The following MLLT3 variants were observed in gnomAD, a reference collection of about 807,000 sequenced individuals.
MLLT3 encodes MLLT3 super elongation complex subunit.
MLLT3 carries 4 observed loss-of-function variants against 53.2 expected under a neutral mutation model. The ratio of observed to expected loss-of-function variants is 0.08; its 90% confidence interval spans 0.04 to 0.17. The LOEUF is 0.17. MLLT3 is among the 10% of genes least tolerant of loss of function. MLLT3 has a pLI of 1.00. For missense variants in MLLT3, 569 were observed against 684.0 expected, an observed-to-expected ratio of 0.83 and a Z score of 1.87; for synonymous variants, 283 against 230.6, an observed-to-expected ratio of 1.23 and a Z score of -2.06.
intron 5 of MLLT3, among the ~76,000 whole-genome samples, chr9:20,401,818 C>A (rs548251026): frequency 1.1e-3 from 174 of 152,262 alleles, no homozygotes; most frequent in African/African-American, 3.7e-3. Flanking sequence ...ATAAAATAAA[C>A]ATTCTGTTAG....
chr9:20,424,655 T>C (rs1311633565), intron 4 of MLLT3, among the ~76,000 whole-genome samples: 1 of 152,156 alleles, frequency 6.6e-6, no homozygotes, highest in Non-Finnish European at 1.5e-5. Flanking sequence ...TATATGGCTG[T>C]GCAAGAAAGA....
chr9:20,474,110 C>T (rs1011327066), intron 2 of MLLT3, among the ~76,000 whole-genome samples: 3 of 152,058 alleles, frequency 2.0e-5, no homozygotes, highest in African/African-American at 7.2e-5. Flanking sequence ...GTGTCTTTTT[C>T]GGTCTCTTGG....
chr9:20,374,319 G>A (rs1821695649), intron 5 of MLLT3, among the ~76,000 whole-genome samples: 1 of 152,200 alleles, frequency 6.6e-6, no homozygotes, highest in Admixed American at 6.5e-5. Flanking sequence ...AGGAGTTTGA[G>A]GCTGCAGTGA....
chr9:20,481,325 C>G (rs1824656432), intron 2 of MLLT3, among the ~76,000 whole-genome samples: 1 of 152,218 alleles, frequency 6.6e-6, no homozygotes, highest in Non-Finnish European at 1.5e-5. Context: ...ATCGCTGTCA[C>G]AGGAGCAAAC....
chr9:20,469,258 AC>A (rs1228299045), intron 2 of MLLT3, among the ~76,000 whole-genome samples: 1 of 152,152 alleles, frequency 6.6e-6, no homozygotes, highest in African/African-American at 2.4e-5. Flanking sequence ...AAATGAAACA[AC>A]AGAACATACC....
intron 2 of MLLT3, among the ~76,000 whole-genome samples, chr9:20,547,453 G>C (rs1356155053): frequency 6.6e-6 from 1 of 151,870 alleles, no homozygotes; most frequent in African/African-American, 2.4e-5. Context: ...CAACCAGCCC[G>C]GCCAACATGA....
intron 5 of MLLT3, among the ~76,000 whole-genome samples, chr9:20,385,746 C>T (rs185844878): frequency 1.8e-4 from 28 of 152,182 alleles, no homozygotes; most frequent in African/African-American, 6.5e-4. Context: ...GAGACACTAT[C>T]CTAGGATAAT....
At chr9:20,470,106 T>A (rs551125509) in intron 2 of MLLT3, among the ~76,000 whole-genome samples, 1 of 152,184 alleles carries the variant, frequency 6.6e-6, no homozygotes, top group South Asian at 2.1e-4. Flanking sequence ...TTGACTTGAA[T>A]GTCCAGTCAC....
At chr9:20,353,337 A>G (rs1463357673) in intron 10 of MLLT3, among the ~76,000 whole-genome samples, 188 bp downstream of exon 10, 1 of 152,228 alleles carries the variant, frequency 6.6e-6, no homozygotes, top group Non-Finnish European at 1.5e-5. Context: ...AACAGTTGCC[A>G]TAGAGCTCCA....
intron 2 of MLLT3, among the ~76,000 whole-genome samples, chr9:20,495,151 TTC>T (rs1825051351): frequency 6.6e-6 from 1 of 152,180 alleles, no homozygotes; most frequent in Non-Finnish European, 1.5e-5. Context: ...TAAATCATTT[TTC>T]TCTCTGTCCA....
In MLLT3 at chr9:20,357,981, G is replaced by GCACACACA. The variant is rs3222132; in HGVS notation, c.1431+2753_1431+2760dup. Among the ~76,000 whole-genome samples the GCACACACA allele has an allele frequency of 9.3e-3, 1,301 of 139,420 alleles. 26 individuals are homozygous for GCACACACA. Among genetic ancestry groups the GCACACACA allele is most frequent in the African/African-American group, 0.032 (1,159 of 36,556 alleles). The allele number at this position is 139,420 out of a possible 152,430, so 91.5% of individuals were successfully genotyped here. ...CCCTACTTTTCTCCCTCCCTCCTGC[G>GCACACACA]CACACACACACACACACACACACAC... is the stretch of plus-strand genomic sequence containing the variant. On this transcript the variant is annotated intron_variant, in intron 8 of 10. Transcript: ENST00000380338.
chr9:20,345,020 C>A lies in MLLT3; in HGVS notation c.*1423G>T. On this transcript the variant is annotated 3_prime_UTR_variant, in exon 11 of 11. Coordinates refer to ENST00000380338, the MANE Select transcript of MLLT3 (RefSeq NM_004529.4). ...TGAGCTGTTCTTACTTTTCATTTCT[C>A]CACTTATGGAGAAGATGGAATAATG... 4.6e-6 allele frequency: 1 copy of A among 216,408 alleles called. No individual in the cohort carries two copies. Among genetic ancestry groups the A allele is most frequent in the Non-Finnish European group, 9.3e-6 (1 of 107,390 alleles). The allele number at this position is 216,408 out of a possible 1,614,324, so 13.4% of individuals were successfully genotyped here.
At chr9:20,424,992 T>C (rs1358197716) in intron 4 of MLLT3, among the ~76,000 whole-genome samples, 2 of 152,100 alleles carry the variant, frequency 1.3e-5, no homozygotes, top group African/African-American at 4.8e-5. Context: ...CCACCACTAG[T>C]GCAGACAAGC....
intron 5 of MLLT3, among the ~76,000 whole-genome samples, chr9:20,381,692 C>A (rs1821912142): frequency 6.6e-6 from 1 of 151,280 alleles, no homozygotes; most frequent in Non-Finnish European, 1.5e-5. Context: ...TACCAAATAC[C>A]CTAGTGGTTA....
intron 2 of MLLT3, among the ~76,000 whole-genome samples, chr9:20,472,456 T>C (rs1174410390): frequency 6.6e-6 from 1 of 152,036 alleles, no homozygotes; most frequent in Non-Finnish European, 1.5e-5. Context: ...AAAAGGATCA[T>C]AGTTAGGCAT....
intron 5 of MLLT3, among the ~76,000 whole-genome samples, chr9:20,390,558 AT>A (rs1162744798): frequency 1.3e-5 from 2 of 152,222 alleles, no homozygotes; most frequent in Non-Finnish European, 2.9e-5. Flanking sequence ...CAACCCAGAT[AT>A]GATTCCTGAC....
chr9:20,447,396 AC>A (rs1823732004), intron 4 of MLLT3, among the ~76,000 whole-genome samples: 1 of 152,218 alleles, frequency 6.6e-6, no homozygotes, highest in Non-Finnish European at 1.5e-5. Flanking sequence ...ATAATATGAC[AC>A]ATAAGTTCAT....
At chr9:20,370,024 A>G (rs1821556808) in intron 5 of MLLT3, among the ~76,000 whole-genome samples, 1 of 152,188 alleles carries the variant, frequency 6.6e-6, no homozygotes, top group African/African-American at 2.4e-5. Context: ...CTCACCACCA[A>G]AAAAATGTTT....
intron 5 of MLLT3, among the ~76,000 whole-genome samples, chr9:20,412,519 C>G (rs1227993101): frequency 6.6e-6 from 1 of 152,170 alleles, no homozygotes; most frequent in Non-Finnish European, 1.5e-5. Context: ...TGTCCTGACC[C>G]TGACTGGCTT....
Sources: allele counts gnomAD v4.1 joint callset (sites outside exome capture counted in the v4.1 genomes callset), GRCh38; gene constraint gnomAD v4.1.1; transcripts MANE v1.5; gene names NCBI Gene and HGNC (gene_info 2026-07-23, HGNC 2026-07-21).